Variants in GRID2 observed in about 807,000 individuals in gnomAD.
The protein encoded by GRID2 is glutamate ionotropic receptor delta type subunit 2.
Under a neutral mutation model 114.8 loss-of-function variants are expected in GRID2, and 33 were observed. The ratio of observed to expected loss-of-function variants is 0.29; its 90% CI spans 0.22 to 0.38. The LOEUF is 0.38. Among genes scored for constraint, GRID2 ranks in the 10% least tolerant of loss-of-function variants. The pLI is 1.00. For synonymous variants in GRID2, 505 were observed against 449.9 expected (o/e 1.12, Z -1.55); for missense variants, 1,184 against 1,257.7 (o/e 0.94, Z 0.89).
chr4:92,457,148 G>A (rs766714407), intron 1 of GRID2, among the ~76,000 whole-genome samples: 2 of 151,824 alleles, frequency 1.3e-5, no homozygotes, highest in Non-Finnish European at 2.9e-5. Flanking sequence ...GTAATTTTTT[G>A]TTCTCTATTT....
intron 2 of GRID2, among the ~76,000 whole-genome samples, chr4:92,876,067 T>C (rs756446485): frequency 6.6e-6 from 1 of 151,996 alleles, no homozygotes; most frequent in Non-Finnish European, 1.5e-5. Flanking sequence ...CAATCTCCTA[T>C]ATACCAAATA....
chr4:93,496,201 A>G (rs1448182955), intron 12 of GRID2, among the ~76,000 whole-genome samples: 1 of 151,476 alleles, frequency 6.6e-6, no homozygotes, highest in African/African-American at 2.4e-5. Flanking sequence ...AATAATCCAT[A>G]AACTGTCATG....
At chr4:92,563,584 C>CT in intron 1 of GRID2, among the ~76,000 whole-genome samples, 1 of 152,122 alleles carries the variant, frequency 6.6e-6, no homozygotes, top group East Asian at 1.9e-4. Flanking sequence ...ACACTTAATG[C>CT]TTTTTTCTTT....
intron 2 of GRID2, among the ~76,000 whole-genome samples, chr4:93,007,654 G>A (rs527822316): frequency 2.0e-5 from 3 of 152,098 alleles, no homozygotes; most frequent in Non-Finnish European, 4.4e-5. Flanking sequence ...ATATTTAATC[G>A]TAGATCCCAG....
intron 11 of GRID2, among the ~76,000 whole-genome samples, chr4:93,484,217 G>C (rs578158485): frequency 6.1e-4 from 92 of 151,920 alleles, no homozygotes; most frequent in African/African-American, 2.1e-3. Flanking sequence ...CCTAGGAAAA[G>C]ATAGAACATT....
At chr4:92,590,040 T>C in intron 1 of GRID2, 91 bp from the exon 2 acceptor site, 1 of 851,962 alleles carries the variant, frequency 1.2e-6, no homozygotes. Context: ...AGTATATGTT[T>C]TTTAAACACA....
At chr4:92,564,434 A>G (rs1727240599) in intron 1 of GRID2, among the ~76,000 whole-genome samples, 1 of 152,002 alleles carries the variant, frequency 6.6e-6, no homozygotes, top group African/African-American at 2.4e-5. Context: ...CAAGGTTGAT[A>G]GACACTTAAA....
chr4:92,436,507 CT>C (rs779300832), intron 1 of GRID2, among the ~76,000 whole-genome samples: 1 of 151,704 alleles, frequency 6.6e-6, no homozygotes, highest in Non-Finnish European at 1.5e-5. Context: ...ATTTTCTCAG[CT>C]TTTTTTTGGT....
intron 14 of GRID2, among the ~76,000 whole-genome samples, chr4:93,670,042 A>T (rs1033897304): frequency 3.3e-5 from 5 of 152,132 alleles, no homozygotes; most frequent in African/African-American, 1.2e-4. Context: ...GACCCTAGGG[A>T]TTATGTATGT....
At chr4:92,504,389 G>A (rs961190301) in intron 1 of GRID2, among the ~76,000 whole-genome samples, 2 of 151,978 alleles carry the variant, frequency 1.3e-5, no homozygotes, top group African/African-American at 4.8e-5. Flanking sequence ...TTGGAAAATA[G>A]GATTCAGGGT....
intron 8 of GRID2, among the ~76,000 whole-genome samples, chr4:93,382,375 C>T (rs191554558): frequency 6.6e-6 from 1 of 152,138 alleles, no homozygotes; most frequent in Admixed American, 6.6e-5. Flanking sequence ...TGTTTGTCCA[C>T]TTGATGGTGT....
chr4:92,676,843 T>C (rs1733399893), intron 2 of GRID2, among the ~76,000 whole-genome samples: 1 of 152,184 alleles, frequency 6.6e-6, no homozygotes, highest in South Asian at 2.1e-4. Context: ...GCAGCACTAT[T>C]CTCAATAACC....
intron 2 of GRID2, among the ~76,000 whole-genome samples, chr4:92,866,860 C>G (rs1744908129): frequency 6.6e-6 from 1 of 152,110 alleles, no homozygotes; most frequent in South Asian, 2.1e-4. Context: ...CGATGTTATC[C>G]TCTTTTTGAT....
At chr4:93,765,621 T>TATATATATATGAGGC in intron 14 of GRID2, among the ~76,000 whole-genome samples, 1 of 148,634 alleles carries the variant, frequency 6.7e-6, no homozygotes, top group South Asian at 2.1e-4. Context: ...TATATATATA[T>TATATATATATGAGGC]ATATATATAT....
At chr4:93,324,556 G>A (rs1394230955) in intron 8 of GRID2, among the ~76,000 whole-genome samples, 1 of 152,198 alleles carries the variant, frequency 6.6e-6, no homozygotes, top group Non-Finnish European at 1.5e-5. Flanking sequence ...CTCATAAAAT[G>A]AGTTAGGGAG....
intron 6 of GRID2, among the ~76,000 whole-genome samples, chr4:93,219,136 T>C (rs773723492): frequency 2.0e-5 from 3 of 152,060 alleles, no homozygotes; most frequent in Non-Finnish European, 4.4e-5. Flanking sequence ...GTGAAAATGA[T>C]AGAATTCTAA....
chr4:92,596,190 A>G (rs1359207420), intron 2 of GRID2, among the ~76,000 whole-genome samples: 1 of 152,120 alleles, frequency 6.6e-6, no homozygotes, highest in African/African-American at 2.4e-5. Flanking sequence ...GAGCTGAGAA[A>G]CAAAACTAGG....
intron 13 of GRID2, among the ~76,000 whole-genome samples, chr4:93,576,913 G>C (rs1736478532): frequency 6.6e-6 from 1 of 152,120 alleles, no homozygotes; most frequent in South Asian, 2.1e-4. Context: ...CCTGGAAATG[G>C]AAGGATGAAA....
Position 93,473,131 on chromosome 4 carries a change from A to G in GRID2, c.1858+17157A>G, listed in dbSNP as rs1056974121. 6.6e-5 allele frequency among the ~76,000 whole-genome samples: 10 copies of G among 152,246 alleles called. No homozygotes were observed. In the East Asian group the frequency reaches 9.7e-4, roughly 15 times the overall value. ...TCCTGTAACATTATTTACTGTCTAT[A>G]TAAGACTATATTATTTGTATGTGTG... On this transcript the variant is annotated intron_variant, in intron 11 of 15. Coordinates refer to ENST00000282020, the MANE Select transcript of GRID2 (RefSeq NM_001510.4).
Sources: gnomAD v4.1 joint callset for allele counts (sites outside exome capture counted in the v4.1 genomes callset) on GRCh38, gnomAD v4.1.1 for gene constraint, MANE v1.5 for transcripts, NCBI Gene and HGNC (gene_info 2026-07-23, HGNC 2026-07-21) for gene names.